The following CNTN4 variants were observed in gnomAD, a reference collection of about 807,000 sequenced individuals.
The protein encoded by CNTN4 is contactin 4.
Under a neutral mutation model 122.5 loss-of-function variants are expected in CNTN4, and 77 were observed. That is an observed-to-expected ratio of 0.63 (90% CI 0.52 to 0.76). The LOEUF (loss-of-function observed/expected upper bound fraction) is 0.76, where lower values mean the gene tolerates loss of function less well. Ranked by LOEUF, CNTN4 falls within the 30% of genes least tolerant of loss-of-function variation. The pLI is 0.00. For synonymous variants in CNTN4, 512 were observed against 447.0 expected, an observed-to-expected ratio of 1.15 and a Z score of -1.83; for missense variants, 1,256 against 1,259.1, an observed-to-expected ratio of 1.00 and a Z score of 0.04.
In CNTN4 at chr3:2,790,924, A is replaced by G. The variant is rs77239800; in HGVS notation, c.359-28562A>G. Among the ~76,000 whole-genome samples, 157 of 152,308 alleles carry G rather than the reference A, an allele frequency of 1.0e-3. 1 individual carries two copies. In the East Asian group the frequency reaches 0.025, roughly 25 times the overall value. ...ATGACAGATATTATTACTTTTGTTT[A>G]GATAAGGTTCAAATGAGCTTGGATT... On this transcript the variant is annotated intron_variant, in intron 6 of 24. Transcript: ENST00000418658.
intron 2 of CNTN4, among the ~76,000 whole-genome samples, chr3:2,218,286 A>T (rs2038927461): frequency 6.6e-6 from 1 of 152,238 alleles, no homozygotes; most frequent in Non-Finnish European, 1.5e-5. Context: ...TGTACTTTAG[A>T]ATAAAATAAT....
At chr3:2,340,685 TTA>T (rs373402290) in intron 3 of CNTN4, among the ~76,000 whole-genome samples, 495 of 29,602 alleles carry the variant, frequency 0.017, 33 homozygotes, top group African/African-American at 0.036. Flanking sequence ...GTCATAAATT[TTA>T]TATATATATA....
At chr3:2,300,043 G>A (rs187198960) in intron 2 of CNTN4, among the ~76,000 whole-genome samples, 1 of 152,256 alleles carries the variant, frequency 6.6e-6, no homozygotes, top group East Asian at 1.9e-4. Context: ...ATCTAGGTCA[G>A]TCTCTTCAGA....
intron 8 of CNTN4, among the ~76,000 whole-genome samples, chr3:2,871,596 A>T (rs1198041898): frequency 6.6e-6 from 1 of 152,166 alleles, no homozygotes; most frequent in Non-Finnish European, 1.5e-5. Flanking sequence ...ATAGGCACTT[A>T]GAGATCATGC....
chr3:2,592,173 G>C (rs993030231), intron 4 of CNTN4, among the ~76,000 whole-genome samples: 1 of 152,090 alleles, frequency 6.6e-6, no homozygotes, highest in Admixed American at 6.6e-5. Flanking sequence ...GAGCCACTGT[G>C]CCCGGCCTTC....
At chr3:2,914,242 G>A (rs184948844) in intron 12 of CNTN4, among the ~76,000 whole-genome samples, 1 of 151,838 alleles carries the variant, frequency 6.6e-6, no homozygotes, top group Non-Finnish European at 1.5e-5. Context: ...TCGCACCACA[G>A]GCAACTAGAA....
At chr3:2,402,674 T>C (rs1055569794) in intron 3 of CNTN4, among the ~76,000 whole-genome samples, 1 of 152,128 alleles carries the variant, frequency 6.6e-6, no homozygotes, top group Non-Finnish European at 1.5e-5. Flanking sequence ...ATTTTCGTAC[T>C]CGTTTGCCAT....
intron 19 of CNTN4, chr3:3,039,750 GTTT>G (rs34794867): frequency 2.8e-6 from 1 of 362,754 alleles, no homozygotes; most frequent in Non-Finnish European, 5.2e-6. Context: ...GATGTCCAGT[GTTT>G]TTTTTTTTAC....
At chr3:2,530,078 T>A (rs1392519492) in intron 3 of CNTN4, among the ~76,000 whole-genome samples, 1 of 152,184 alleles carries the variant, frequency 6.6e-6, no homozygotes, top group East Asian at 1.9e-4. Flanking sequence ...TACCTTCTGC[T>A]GTTACTAGTA....
chr3:2,453,009 T>C (rs1011850843), intron 3 of CNTN4, among the ~76,000 whole-genome samples: 1 of 152,280 alleles, frequency 6.6e-6, no homozygotes. Context: ...ATTAGATCTT[T>C]GCAATTATTC....
At chr3:2,473,944 G>A (rs2075766776) in intron 3 of CNTN4, among the ~76,000 whole-genome samples, 2 of 151,822 alleles carry the variant, frequency 1.3e-5, no homozygotes, top group Admixed American at 1.3e-4. Context: ...CTCGGGGGAG[G>A]CGAAGGTTGT....
intron 14 of CNTN4, among the ~76,000 whole-genome samples, chr3:2,991,249 A>G (rs1341509585): frequency 2.0e-5 from 3 of 152,178 alleles, no homozygotes; most frequent in African/African-American, 7.2e-5. Context: ...TGAGGTAGGA[A>G]GAGCCTGGCC....
intron 2 of CNTN4, among the ~76,000 whole-genome samples, chr3:2,262,844 A>T (rs1043782183): frequency 6.6e-6 from 1 of 152,152 alleles, no homozygotes; most frequent in African/African-American, 2.4e-5. Context: ...AGGCATTCCA[A>T]AGCTACTGTA....
chr3:2,174,209 C>G (rs775882276), intron 2 of CNTN4, among the ~76,000 whole-genome samples: 12 of 152,084 alleles, frequency 7.9e-5, no homozygotes, highest in Non-Finnish European at 1.2e-4. Context: ...GGAAAAGAGG[C>G]TATAGTTGTT....
At chr3:2,790,780 G>GAAA (rs1483463893) in intron 6 of CNTN4, among the ~76,000 whole-genome samples, 1 of 151,674 alleles carries the variant, frequency 6.6e-6, no homozygotes, top group African/African-American at 2.4e-5. Flanking sequence ...CATAACTTGT[G>GAAA]CATTTCCTTG....
At chr3:2,667,748 C>T (rs1559365619) in intron 4 of CNTN4, among the ~76,000 whole-genome samples, 1 of 138,510 alleles carries the variant, frequency 7.2e-6, no homozygotes, top group African/African-American at 2.8e-5. Context: ...ATCTTTAATC[C>T]ATCTTGAATT....
Position 2,223,985 on chromosome 3 carries a change from A to C in CNTN4, c.-144-115193A>C, listed in dbSNP as rs182085785. Among the ~76,000 whole-genome samples, 31 of 152,266 alleles carry C rather than the reference A, an allele frequency of 2.0e-4. No homozygotes were observed. The East Asian group carries it at 5.0e-3, about 25-fold the overall frequency. On this transcript the variant is annotated intron_variant, in intron 2 of 24. Transcript: ENST00000418658. ...GGGCAGGTAGGTGTGGAGAGATAAG[A>C]GACAGGAGGGTGAGGTGAATACAGG...
chr3:3,016,772 G>T (rs1427636411), intron 14 of CNTN4, among the ~76,000 whole-genome samples: 1 of 152,096 alleles, frequency 6.6e-6, no homozygotes, highest in African/African-American at 2.4e-5. Flanking sequence ...ATTGGCTTGT[G>T]CATAGTAGTT....
chr3:2,909,059 A>G (rs2094269760), intron 12 of CNTN4, among the ~76,000 whole-genome samples: 1 of 152,184 alleles, frequency 6.6e-6, no homozygotes, highest in African/African-American at 2.4e-5. Flanking sequence ...TTAAGGCTAA[A>G]CTAAAAGTTA....
Sources: allele counts gnomAD v4.1 joint callset (sites outside exome capture counted in the v4.1 genomes callset), GRCh38; gene constraint gnomAD v4.1.1; transcripts MANE v1.5; gene names NCBI Gene and HGNC (gene_info 2026-07-23, HGNC 2026-07-21).